The following TCEA3 variants were observed in gnomAD, a reference collection of about 807,000 sequenced individuals.
The protein encoded by TCEA3 is transcription elongation factor A3, also known as transcription elongation factor A protein 3.
In TCEA3, 36 loss-of-function variants were observed where a neutral mutation model predicts 44.0. The observed-to-expected ratio is 0.82, with a 90% CI of 0.63 to 1.08. The LOEUF (loss-of-function observed/expected upper bound fraction) is 1.08. Ranked by LOEUF, TCEA3 falls within the 50% of genes least tolerant of loss-of-function variation. The probability of loss-of-function intolerance (pLI) is 0.00; values close to 1 mark genes in which losing one functional copy is unlikely to be tolerated. For missense variants in TCEA3, 392 were observed against 441.2 expected, an observed-to-expected ratio of 0.89 and a Z score of 1.00; for synonymous variants, 162 against 159.7, an observed-to-expected ratio of 1.01 and a Z score of -0.11.
At chr1:23,402,581 G>A (rs1431855664) in intron 5 of TCEA3, among the ~76,000 whole-genome samples, 1 of 152,176 alleles carries the variant, frequency 6.6e-6, no homozygotes, top group African/African-American at 2.4e-5. Flanking sequence ...CAGCTCGCAT[G>A]AGGGAGGCCT....
intron 4 of TCEA3, among the ~76,000 whole-genome samples, chr1:23,413,230 A>G (rs952896837): frequency 1.1e-4 from 16 of 151,768 alleles, no homozygotes; most frequent in Admixed American, 9.2e-4. Flanking sequence ...TCCTCCTCCC[A>G]GGCTCAAGTG....
intron 5 of TCEA3, 140 bp downstream of exon 5, chr1:23,408,524 C>T (rs1438955148): frequency 1.2e-6 from 1 of 831,058 alleles, no homozygotes; most frequent in African/African-American, 1.7e-5. Context: ...CTGTGTGGGT[C>T]TTAGAATACG....
chr1:23,424,166 G>GCCCCGC (rs1640148261), intron 1 of TCEA3, among the ~76,000 whole-genome samples: 1 of 89,154 alleles, frequency 1.1e-5, no homozygotes, highest in African/African-American at 4.2e-5. Context: ...TTTGCCCCCC[G>GCCCCGC]CCCCGCCCCC....
Position 23,394,032 on chromosome 1 carries a change from A to G in TCEA3, c.666T>C (p.His222=), listed in dbSNP as rs759755377. 6.2e-7 allele frequency: 1 copy of G among 1,613,962 alleles called. No homozygotes were observed. Among genetic ancestry groups the G allele is most frequent in the Non-Finnish European group, 8.5e-7 (1 of 1,179,870 alleles). ...CDKMASEIED[H]IYQELKSTDM... ...CCGTGCTCTTGAGCTCTTGGTAGATATGTGACACAGTCAAGGGCCGGCCAG... is the reference window on the plus strand; with the variant it reads ...CCGTGCTCTTGAGCTCTTGGTAGATGTGTGACACAGTCAAGGGCCGGCCAG... The change falls in exon 8 of 11, where the codon CAT becomes CAC. Residue 222 remains histidine, a splice_region_variant and synonymous_variant. Transcript: ENST00000450454.
At chr1:23,410,428 T>G (rs143948932) in intron 4 of TCEA3, among the ~76,000 whole-genome samples, 2 of 152,006 alleles carry the variant, frequency 1.3e-5, no homozygotes, top group East Asian at 3.9e-4. Flanking sequence ...TAGAATACAA[T>G]AGCAAGATAA....
At chr1:23,402,875 A>AT (rs1477755218) in intron 5 of TCEA3, among the ~76,000 whole-genome samples, 2 of 152,208 alleles carry the variant, frequency 1.3e-5, no homozygotes, top group African/African-American at 2.4e-5. Context: ...TACATGATGA[A>AT]TTGAGGAACT....
intron 5 of TCEA3, chr1:23,403,374 C>T (rs541758467): frequency 3.9e-5 from 6 of 152,068 alleles, no homozygotes; most frequent in African/African-American, 1.4e-4. Context: ...TTTTTTCACA[C>T]GTAAAATCGG....
At chr1:23,406,648 G>T (rs1282860067) in intron 5 of TCEA3, among the ~76,000 whole-genome samples, 2 of 151,922 alleles carry the variant, frequency 1.3e-5, no homozygotes, top group East Asian at 1.9e-4. Context: ...TTGTTGTGTT[G>T]TGTTTTGTTT....
chr1:23,406,732 C>T (rs1466765676), intron 5 of TCEA3, among the ~76,000 whole-genome samples: 3 of 152,134 alleles, frequency 2.0e-5, no homozygotes, highest in Non-Finnish European at 4.4e-5. Context: ...TGGCAACCTC[C>T]GCCTCCCGGG....
chr1:23,381,616 T>C (rs1638673498), intron 10 of TCEA3, 142 bp from the exon 11 acceptor site: 1 of 695,996 alleles, frequency 1.4e-6, no homozygotes, highest in South Asian at 1.7e-5. Context: ...ATTAGCTGTG[T>C]GATCTTGAAC....
chr1:23,423,775 A>G (rs1304172562), intron 1 of TCEA3: 5 of 455,812 alleles, frequency 1.1e-5, no homozygotes, highest in Admixed American at 7.1e-5. Context: ...GGCAAAGATC[A>G]CGGGGAAGAT....
chr1:23,402,025 C>T (rs983383270), intron 5 of TCEA3, among the ~76,000 whole-genome samples: 11 of 152,174 alleles, frequency 7.2e-5, no homozygotes, highest in Admixed American at 4.6e-4. Flanking sequence ...GGTGTAACAG[C>T]TTCCAATTAT....
In TCEA3 at chr1:23,381,195, A is replaced by G. The variant is rs1570208835; in HGVS notation, c.*271T>C. ...CTCCCAGAGTTTGCAGATTACAGCCATAAACCACCGTGCCCAGCCCTCTGC... is the reference window on the plus strand; with the variant it reads ...CTCCCAGAGTTTGCAGATTACAGCCGTAAACCACCGTGCCCAGCCCTCTGC... On this transcript the variant is annotated 3_prime_UTR_variant, in exon 11 of 11. Transcript: ENST00000450454. 2.1e-6 allele frequency: 1 copy of G among 468,646 alleles called. No homozygotes were observed. The highest frequency in any genetic ancestry group is 3.8e-6 in the Non-Finnish European group (1 of 262,336). The allele number at this position is 468,646 out of a possible 1,614,324, so 29.0% of individuals were successfully genotyped here.
chr1:23,387,740 C>T (rs946578446), intron 8 of TCEA3, among the ~76,000 whole-genome samples: 3 of 152,196 alleles, frequency 2.0e-5, no homozygotes, highest in Admixed American at 6.5e-5. Context: ...TTGGCCTTGG[C>T]CTGAACCTTC....
chr1:23,386,491 G>A (rs1159092225), intron 9 of TCEA3, among the ~76,000 whole-genome samples: 2 of 152,090 alleles, frequency 1.3e-5, no homozygotes, highest in Non-Finnish European at 2.9e-5. Context: ...GCCTGCCTCG[G>A]CCTCCCAAAG....
chr1:23,418,030 G>A, intron 2 of TCEA3, 21 bp from the exon 3 acceptor site: 1 of 1,611,086 alleles, frequency 6.2e-7, no homozygotes, highest in Non-Finnish European at 8.5e-7. Flanking sequence ...AGAGGGTTAA[G>A]GCATAATCTG....
chr1:23,383,061 C>G (rs550303892), intron 10 of TCEA3, among the ~76,000 whole-genome samples: 1 of 152,030 alleles, frequency 6.6e-6, no homozygotes, highest in Admixed American at 6.6e-5. Flanking sequence ...GGGCGGATCA[C>G]GAGGTCAGGA....
intron 5 of TCEA3, among the ~76,000 whole-genome samples, chr1:23,408,173 G>A (rs962430833): frequency 2.6e-5 from 4 of 152,172 alleles, no homozygotes; most frequent in African/African-American, 4.8e-5. Flanking sequence ...TGTTGGCCAG[G>A]CTGGTCTCAA....
Position 23,394,041 on chromosome 1 carries a change from A to G in TCEA3, c.665-8T>C, listed in dbSNP as rs756788815. ...TGAGCTCTTGGTAGATATGTGACAC[A>G]GTCAAGGGCCGGCCAGCCATTCATG... is the stretch of plus-strand genomic sequence containing the variant. On this transcript the variant is annotated splice_polypyrimidine_tract_variant and splice_region_variant and intron_variant, in intron 7 of 10. Transcript: ENST00000450454. 2 of 1,613,834 alleles carry G rather than the reference A, an allele frequency of 1.2e-6. No homozygotes were observed. The highest frequency in any genetic ancestry group is 1.1e-5 in the South Asian group (1 of 91,084).
Sources: allele counts gnomAD v4.1 joint callset (sites outside exome capture counted in the v4.1 genomes callset), GRCh38; gene constraint gnomAD v4.1.1; transcripts MANE v1.5; gene names NCBI Gene and HGNC (gene_info 2026-07-23, HGNC 2026-07-21).